ZC3H15: variants seen among roughly 807,000 people sequenced by gnomAD.
The protein encoded by ZC3H15 is zinc finger CCCH domain-containing protein 15.
In ZC3H15, 15 loss-of-function variants were observed where a neutral mutation model predicts 51.2. The observed-to-expected ratio is 0.29, with a 90% CI of 0.20 to 0.45. The LOEUF (loss-of-function observed/expected upper bound fraction) is 0.45. ZC3H15 is among the 20% of genes least tolerant of loss of function. ZC3H15 has a pLI of 1.00. For synonymous variants in ZC3H15, 144 were observed against 162.8 expected, an observed-to-expected ratio of 0.88 and a Z score of 0.88; for missense variants, 381 against 494.7, an observed-to-expected ratio of 0.77 and a Z score of 2.18.
intron 1 of ZC3H15, among the ~76,000 whole-genome samples, chr2:186,490,936 G>A (rs2105585390): frequency 6.6e-6 from 1 of 152,202 alleles, no homozygotes; most frequent in African/African-American, 2.4e-5. Flanking sequence ...ATCCAATGAG[G>A]ACCATTATTC....
intron 3 of ZC3H15, 84 bp from the exon 4 acceptor site, chr2:186,501,189 C>G: frequency 7.1e-7 from 1 of 1,406,644 alleles, no homozygotes; most frequent in South Asian, 1.9e-5. Context: ...AATAAGTTAA[C>G]CAAAATTCAT....
At chr2:186,494,478 A>C (rs1041141093) in intron 1 of ZC3H15, among the ~76,000 whole-genome samples, 5 of 152,228 alleles carry the variant, frequency 3.3e-5, no homozygotes, top group African/African-American at 1.2e-4. Flanking sequence ...GGATTCTGCT[A>C]CAAAGGATGA....
intron 5 of ZC3H15, among the ~76,000 whole-genome samples, chr2:186,503,262 TCTATCCATGTTGTG>T (rs1685415756): frequency 6.6e-6 from 1 of 152,238 alleles, no homozygotes; most frequent in Non-Finnish European, 1.5e-5. Context: ...AATTGTATCT[TCTATCCATGTTGTG>T]AAGGGTCACT....
At chr2:186,507,152 A>G (rs1685482632) in intron 9 of ZC3H15, among the ~76,000 whole-genome samples, 2 of 152,238 alleles carry the variant, frequency 1.3e-5, no homozygotes, top group Admixed American at 6.5e-5. Flanking sequence ...TTGTGTAGAC[A>G]TGAACACCCT....
intron 5 of ZC3H15, 55 bp downstream of exon 5, chr2:186,502,642 T>C (rs1191929470): frequency 1.4e-6 from 2 of 1,401,780 alleles, no homozygotes; most frequent in East Asian, 2.4e-5. Context: ...GGGAGAATTA[T>C]GTGGCAAGGT....
At chr2:186,505,361 C>T (rs1253172295) in intron 6 of ZC3H15, 90 bp from the exon 7 acceptor site, 1 of 1,402,516 alleles carries the variant, frequency 7.1e-7, no homozygotes, top group Non-Finnish European at 9.4e-7. Flanking sequence ...TAGTCATGGG[C>T]AAGGAATTAA....
At chr2:186,506,311 T>A (rs1054086862) in intron 8 of ZC3H15, among the ~76,000 whole-genome samples, 6 of 152,234 alleles carry the variant, frequency 3.9e-5, no homozygotes, top group Non-Finnish European at 7.3e-5. Flanking sequence ...TGATTTTTTG[T>A]GTACTTACAA....
intron 1 of ZC3H15, 108 bp downstream of exon 1, chr2:186,486,565 C>G (rs1685097952): frequency 8.2e-7 from 1 of 1,224,758 alleles, no homozygotes; most frequent in Non-Finnish European, 1.1e-6. Context: ...ACGTGTTCCT[C>G]CCTTAGGCCT....
chr2:186,496,354 A>C (rs1645480410), intron 2 of ZC3H15, among the ~76,000 whole-genome samples: 1 of 152,286 alleles, frequency 6.6e-6, no homozygotes, highest in African/African-American at 2.4e-5. Context: ...AGTAGCTGGG[A>C]CTACAGGCGC....
chr2:186,496,018 T>G (rs1345745983), intron 2 of ZC3H15, among the ~76,000 whole-genome samples: 1 of 152,216 alleles, frequency 6.6e-6, no homozygotes. Flanking sequence ...ACCTTTTGTC[T>G]GCATTGCAGA....
chr2:186,502,320 C>T (rs1030980588), intron 4 of ZC3H15, among the ~76,000 whole-genome samples, 176 bp from the exon 5 acceptor site: 1 of 151,922 alleles, frequency 6.6e-6, no homozygotes, highest in African/African-American at 2.4e-5. Flanking sequence ...TTCAGTAGGC[C>T]GTGATCATGC....
intron 1 of ZC3H15, among the ~76,000 whole-genome samples, chr2:186,494,961 T>C (rs1488816768): frequency 6.6e-6 from 1 of 151,880 alleles, no homozygotes; most frequent in Admixed American, 6.6e-5. Flanking sequence ...GAACTTAAAG[T>C]ATAATAAAAA....
chr2:186,499,833 C>T (rs540290386), intron 2 of ZC3H15, among the ~76,000 whole-genome samples: 327 of 152,232 alleles, frequency 2.1e-3, no homozygotes, highest in Non-Finnish European at 3.6e-3. Flanking sequence ...AGGATGTTTG[C>T]TTGTCTCATC....
At chr2:186,506,655 G>T in intron 8 of ZC3H15, 58 bp from the exon 9 acceptor site, 1 of 1,545,224 alleles carries the variant, frequency 6.5e-7, no homozygotes, top group South Asian at 1.2e-5. Flanking sequence ...ATAAATGTCA[G>T]GAGTAAAAGA....
intron 1 of ZC3H15, among the ~76,000 whole-genome samples, chr2:186,491,972 C>T (rs913193214): frequency 6.6e-6 from 1 of 151,746 alleles, no homozygotes; most frequent in East Asian, 1.9e-4. Context: ...CTTCTGGGAT[C>T]GGGAGTTTAT....
At chr2:186,506,345 A>G (rs1473586343) in intron 8 of ZC3H15, among the ~76,000 whole-genome samples, 4 of 152,216 alleles carry the variant, frequency 2.6e-5, no homozygotes, top group African/African-American at 9.6e-5. Flanking sequence ...GGGTTGAAAG[A>G]AAAAAATTGT....
At chr2:186,486,600 G>A (rs1240245393) in intron 1 of ZC3H15, 143 bp downstream of exon 1, 3 of 812,368 alleles carry the variant, frequency 3.7e-6, no homozygotes, top group Non-Finnish European at 5.3e-6. Flanking sequence ...CCCTTCTCCA[G>A]CCCCTGATGA....
intron 9 of ZC3H15, 47 bp downstream of exon 9, chr2:186,506,883 T>C (rs1241692339): frequency 4.4e-6 from 7 of 1,580,444 alleles, no homozygotes; most frequent in Non-Finnish European, 5.2e-6. Flanking sequence ...GGAAGTTATC[T>C]AAAGGGGGTT....
intron 1 of ZC3H15, among the ~76,000 whole-genome samples, chr2:186,487,920 T>C (rs182126881): frequency 4.1e-4 from 63 of 152,324 alleles, no homozygotes; most frequent in Non-Finnish European, 7.1e-4. Context: ...TAAGGAATTA[T>C]GTGTGAAAGT....
Sources: allele counts gnomAD v4.1 joint callset (sites outside exome capture counted in the v4.1 genomes callset), GRCh38; gene constraint gnomAD v4.1.1; transcripts MANE v1.5; gene names NCBI Gene and HGNC (gene_info 2026-07-23, HGNC 2026-07-21).